Variants in NPIPA1 observed in about 807,000 individuals in gnomAD.
NPIPA1 encodes the protein nuclear pore complex-interacting protein family member A1.
For missense variants in NPIPA1, 22 were observed against 232.2 expected (o/e 0.09, Z 5.88); for synonymous variants, 7 against 88.0 (o/e 0.08, Z 5.15).
chr16:14,940,473 C>T (rs1965723515), intron 1 of NPIPA1, among the ~76,000 whole-genome samples: 1 of 150,922 alleles, frequency 6.6e-6, no homozygotes. Context: ...CTTTGGGAGG[C>T]CGAGGCAGGT....
chr16:14,941,292 G>A lies in NPIPA1; in HGVS notation c.64-520G>A, dbSNP rs1254515689. Among the ~76,000 whole-genome samples, 8 of 132,686 alleles carry A rather than the reference G, an allele frequency of 6.0e-5. No individual in the cohort carries two copies. In the East Asian group the frequency reaches 1.3e-3, roughly 21 times the overall value. The allele number at this position is 132,686 out of a possible 152,430, so 87.0% of individuals were successfully genotyped here. A position where few individuals can be genotyped will look rare whatever the true frequency, so the allele number is the denominator to read the frequency against. Reference sequence around the variant, plus strand: ...TCTACTAAAAATACAAAAATTAGTCGGGCATGGTGGCAGAGACCTGTAATC... The same window carrying A: ...TCTACTAAAAATACAAAAATTAGTCAGGCATGGTGGCAGAGACCTGTAATC... On this transcript the variant is annotated intron_variant, in intron 1 of 7. Coordinates refer to ENST00000328085, the MANE Select transcript of NPIPA1 (RefSeq NM_006985.4).
At chr16:14,937,985 C>G (rs1340519727) in intron 1 of NPIPA1, among the ~76,000 whole-genome samples, 1 of 146,042 alleles carries the variant, frequency 6.8e-6, no homozygotes, top group Admixed American at 7.3e-5. Context: ...TAATTTGAAC[C>G]GGATCCTTTC....
At chr16:14,943,539 C>T (rs1965804617) in intron 2 of NPIPA1, among the ~76,000 whole-genome samples, 1 of 148,964 alleles carries the variant, frequency 6.7e-6, no homozygotes, top group Admixed American at 6.8e-5. Flanking sequence ...AACTTTGTAC[C>T]TCTCATCTTT....
chr16:14,947,667 T>C (rs1965924464), intron 4 of NPIPA1, among the ~76,000 whole-genome samples: 1 of 151,934 alleles, frequency 6.6e-6, no homozygotes, highest in African/African-American at 2.4e-5. Context: ...TTTACTGCCA[T>C]GTTAGCAATT....
intron 2 of NPIPA1, among the ~76,000 whole-genome samples, chr16:14,944,100 G>C (rs1965819490): frequency 6.6e-6 from 1 of 152,086 alleles, no homozygotes; most frequent in South Asian, 2.1e-4. Context: ...CGTGAGCCAA[G>C]GTAGCGCCAC....
At chr16:14,942,854 AT>A (rs1454520373) in intron 2 of NPIPA1, among the ~76,000 whole-genome samples, 22 of 152,260 alleles carry the variant, frequency 1.4e-4, no homozygotes, top group Admixed American at 2.6e-4. Context: ...TGAGCTCTAC[AT>A]TTTGTCTTGC....
Position 14,943,409 on chromosome 16 carries a change from G to T in NPIPA1, c.192+1469G>T, listed in dbSNP as rs1965800928. 2.7e-5 allele frequency among the ~76,000 whole-genome samples: 4 copies of T among 148,050 alleles called. No homozygotes were observed. In the South Asian group the frequency reaches 8.9e-4, roughly 33 times the overall value. The stretch of plus-strand genomic sequence containing the variant: ...GACCTCAAATGATCCACCCGCCTCA[G>T]CCTCCCAAAGTGCTGGGATTACAAG... On this transcript the variant is annotated intron_variant, in intron 2 of 7. Coordinates refer to ENST00000328085, the MANE Select transcript of NPIPA1 (RefSeq NM_006985.4).
intron 2 of NPIPA1, among the ~76,000 whole-genome samples, chr16:14,943,266 C>G (rs1438614344): frequency 4.0e-5 from 6 of 151,830 alleles, no homozygotes; most frequent in Admixed American, 6.6e-5. Flanking sequence ...AAGTGATTCC[C>G]CTGCCTCAGC....
chr16:14,943,448 G>A (rs1333448791), intron 2 of NPIPA1, among the ~76,000 whole-genome samples: 8 of 147,712 alleles, frequency 5.4e-5, no homozygotes, highest in Non-Finnish European at 1.0e-4. Flanking sequence ...GAGCCACCAC[G>A]TGAGCCAGGG....
At chr16:14,941,105 G>A (rs1965740694) in intron 1 of NPIPA1, among the ~76,000 whole-genome samples, 1 of 151,530 alleles carries the variant, frequency 6.6e-6, no homozygotes, top group Non-Finnish European at 1.5e-5. Context: ...TCCAGCCTGG[G>A]TGACAGAGTG....
intron 1 of NPIPA1, among the ~76,000 whole-genome samples, chr16:14,940,620 C>G (rs1477093833): frequency 7.1e-6 from 1 of 140,886 alleles, no homozygotes; most frequent in African/African-American, 2.7e-5. Context: ...GCAGGAGAAT[C>G]GCTTGAACCC....
chr16:14,946,925 C>T (rs1275964812), intron 4 of NPIPA1, among the ~76,000 whole-genome samples: 4 of 152,252 alleles, frequency 2.6e-5, no homozygotes, highest in Non-Finnish European at 5.9e-5. Flanking sequence ...GAACTCCTGA[C>T]ATCATGATCC....
intron 7 of NPIPA1, chr16:14,950,504 GC>G: frequency 2.1e-6 from 2 of 967,624 alleles, no homozygotes; most frequent in Non-Finnish European, 3.0e-6. Flanking sequence ...TAGCAAATGG[GC>G]CCTGACTGTA....
chr16:14,940,145 C>T lies in NPIPA1; in HGVS notation c.64-1667C>T, dbSNP rs1451444936. On this transcript the variant is annotated intron_variant, in intron 1 of 7. Coordinates refer to ENST00000328085, the MANE Select transcript of NPIPA1 (RefSeq NM_006985.4). ...TCCTGATCTCGCGGTCCACCCACCT[C>T]GGCTTCCCAAAGTGCTGGGATTGCA... Among the ~76,000 whole-genome samples, 315 of 112,768 alleles carry T rather than the reference C, an allele frequency of 2.8e-3. 1 individual carries two copies. The highest frequency in any genetic ancestry group is 8.0e-3 in the African/African-American group (242 of 30,088). The allele number at this position is 112,768 out of a possible 152,430, so 74.0% of individuals were successfully genotyped here. A position where few individuals can be genotyped will look rare whatever the true frequency, so the allele number is the denominator to read the frequency against.
At chr16:14,947,268 A>T (rs1386726646) in intron 4 of NPIPA1, among the ~76,000 whole-genome samples, 1 of 152,242 alleles carries the variant, frequency 6.6e-6, no homozygotes, top group African/African-American at 2.4e-5. Flanking sequence ...ATTGAGGCCT[A>T]GTAGCATGTT....
intron 4 of NPIPA1, among the ~76,000 whole-genome samples, chr16:14,947,887 C>A (rs1951267511): frequency 6.6e-6 from 1 of 151,826 alleles, no homozygotes; most frequent in South Asian, 2.1e-4. Flanking sequence ...AAACTGTGAG[C>A]TTCTTTAGCG....
chr16:14,941,190 C>A (rs1463551318), intron 1 of NPIPA1, among the ~76,000 whole-genome samples: 1 of 151,340 alleles, frequency 6.6e-6, no homozygotes, highest in African/African-American at 2.4e-5. Flanking sequence ...GTAATCCCAG[C>A]ACTTTGGGAG....
intron 4 of NPIPA1, among the ~76,000 whole-genome samples, chr16:14,948,255 T>A (rs1298977416): frequency 5.9e-5 from 9 of 152,316 alleles, no homozygotes; most frequent in Admixed American, 2.6e-4. Context: ...CGTTGTCACC[T>A]ATTTTCAGGA....
chr16:14,938,558 C>T (rs1170142102), intron 1 of NPIPA1, among the ~76,000 whole-genome samples: 150 of 137,556 alleles, frequency 1.1e-3, no homozygotes, highest in Middle Eastern at 3.5e-3. Context: ...AAAGATTAGT[C>T]GGGCCTGGTG....
Sources: allele counts gnomAD v4.1 joint callset (sites outside exome capture counted in the v4.1 genomes callset), GRCh38; gene constraint gnomAD v4.1.1; transcripts MANE v1.5; gene names NCBI Gene and HGNC (gene_info 2026-07-23, HGNC 2026-07-21).